The following FRMPD3 variants were observed in gnomAD, a reference collection of about 807,000 sequenced individuals.
FRMPD3 encodes FERM and PDZ domain-containing protein 3.
Under a neutral mutation model 97.9 loss-of-function variants are expected in FRMPD3, and 42 were observed. The ratio of observed to expected loss-of-function variants is 0.43; its 90% CI spans 0.34 to 0.55. FRMPD3 has a LOEUF of 0.55. Ranked by LOEUF, FRMPD3 falls within the 20% of genes least tolerant of loss-of-function variation. The pLI is 0.03. For missense variants in FRMPD3, 1,303 were observed against 1,457.7 expected (o/e 0.89, Z 1.73); for synonymous variants, 577 against 581.1 (o/e 0.99, Z 0.10).
chrX:107,590,846 T>C (rs1283519183), intron 13 of FRMPD3, among the ~76,000 whole-genome samples: 11 of 112,748 alleles, frequency 9.8e-5, no homozygotes, highest in Non-Finnish European at 1.9e-5. Flanking sequence ...AAGACATTTG[T>C]CTGTAGTTTT....
intron 1 of FRMPD3, among the ~76,000 whole-genome samples, chrX:107,459,095 C>T (rs1194965606): frequency 8.9e-6 from 1 of 112,157 alleles, no homozygotes; most frequent in Non-Finnish European, 1.9e-5. Context: ...AAAGTAGATG[C>T]GCACAGGGGC....
intron 4 of FRMPD3, 38 bp downstream of exon 4, chrX:107,533,588 C>T: frequency 8.7e-7 from 1 of 1,151,629 alleles, no homozygotes; most frequent in Non-Finnish European, 1.2e-6. Context: ...TTCCTCCTGA[C>T]TGAGAAGAGA....
intron 3 of FRMPD3, among the ~76,000 whole-genome samples, chrX:107,532,052 A>T (rs766068661): frequency 8.9e-6 from 1 of 112,603 alleles, no homozygotes; most frequent in African/African-American, 3.2e-5. Flanking sequence ...ACAGACAAAG[A>T]TCCCTGGCTC....
At position 107,593,012 on chromosome X, in the gene FRMPD3, G is replaced by A. The variant is rs1360599630; in HGVS notation, c.1442-4309G>A. ...AGGCTGGTCTCGAACTCCTGACCTT[G>A]TGATCTGCCCACCTCAGCTTCCCAA... On this transcript the variant is annotated intron_variant, in intron 13 of 14. Coordinates refer to ENST00000683843, the MANE Select transcript of FRMPD3 (RefSeq NM_001388459.1). 2.7e-5 allele frequency among the ~76,000 whole-genome samples: 3 copies of A among 110,732 alleles called. No individual in the cohort carries two copies. In the East Asian group the frequency reaches 8.5e-4, roughly 31 times the overall value.
In FRMPD3 at chrX:107,604,963, G is replaced by C. The variant is rs180987693; in HGVS notation, c.*1590G>C. 1 of 109,875 alleles carries C rather than the reference G, an allele frequency of 9.1e-6. No homozygotes were observed. Among genetic ancestry groups the C allele is most frequent in the Non-Finnish European group, 1.9e-5 (1 of 52,766 alleles). The allele number at this position is 109,875 out of a possible 1,213,427, so 9.1% of individuals were successfully genotyped here. ...CTTGCTTCTCCTCCCCCAGGACCAAGTTGTTGAATGGGCCAGAGATGCAGC... is the reference window on the plus strand; with the variant it reads ...CTTGCTTCTCCTCCCCCAGGACCAACTTGTTGAATGGGCCAGAGATGCAGC... On this transcript the variant is annotated 3_prime_UTR_variant, in exon 15 of 15. Coordinates refer to ENST00000683843, the MANE Select transcript of FRMPD3 (RefSeq NM_001388459.1).
rs778439987 is a variant in FRMPD3, at chrX:107,600,968, G to A, written c.2929G>A (p.Gly977Arg). The change falls in exon 15 of 15, where the codon GGG becomes AGG. Residue 977 changes from glycine (G) to arginine (R), a missense_variant. By Grantham distance (125) the Gly-to-Arg change is moderately radical. Around this residue, in one of 3 missense-constraint regions of FRMPD3, gnomAD observed 764 missense variants for 820.2 expected, o/e 0.93. Transcript: ENST00000683843. Reference sequence around the variant, plus strand: ...TCTAGTCACTGCTGGTGGGGCTTTGGGGAACCCCCCCAGCAGGGGTGAGAG... The same window carrying A: ...TCTAGTCACTGCTGGTGGGGCTTTGAGGAACCCCCCCAGCAGGGGTGAGAG... Reference protein sequence around the residue: ...KSLVTAGGALGNPPSRGERRL... With the variant: ...KSLVTAGGALRNPPSRGERRL... The A allele has an allele frequency of 1.3e-5, 16 of 1,206,990 alleles. No individual in the cohort carries two copies. Among genetic ancestry groups the A allele is most frequent in the Non-Finnish European group, 1.7e-5 (15 of 894,072 alleles).
rs777045924 is a variant in FRMPD3, at chrX:107,602,967, G to A, written c.4928G>A (p.Arg1643His). 9 of 1,209,868 alleles carry A rather than the reference G, an allele frequency of 7.4e-6. No homozygotes were observed. The highest frequency in any genetic ancestry group is 4.4e-5 in the Admixed American group (2 of 45,924). ...TTCAAGGAGCTCCGGGCCTCCTGCC[G>A]CCGTGTGGCCAATGTGGACAAGAGC... Reference protein sequence around the residue: ...LKFKELRASCRRVANVDKSPT... With the variant: ...LKFKELRASCHRVANVDKSPT... Residue 1643 changes from arginine (R) to histidine (H), a missense_variant, in exon 15 of 15, where the codon CGC (arginine) becomes CAC (histidine). By Grantham distance (29) the Arg-to-His change is conservative (BLOSUM62 0). Coordinates refer to ENST00000683843, the MANE Select transcript of FRMPD3 (RefSeq NM_001388459.1).
intron 1 of FRMPD3, among the ~76,000 whole-genome samples, chrX:107,499,381 T>A (rs998160380): frequency 4.5e-5 from 5 of 112,234 alleles, no homozygotes; most frequent in South Asian, 3.7e-4. Context: ...ACCTTCTCTC[T>A]AGAGTACGAA....
At chrX:107,502,016 A>G (rs1397765587) in intron 1 of FRMPD3, among the ~76,000 whole-genome samples, 1 of 110,735 alleles carries the variant, frequency 9.0e-6, no homozygotes, top group Non-Finnish European at 1.9e-5. Context: ...ACATTATTAC[A>G]AGGTTAAGGA....
Position 107,568,450 on chromosome X carries a change from C to A in FRMPD3, c.1296+3384C>A, listed in dbSNP as rs769583505. ...AGAGGCTGGGCACAGTCGCTCATGC[C>A]TGTAATCCCAGCATTTTGGGAGGCC... On this transcript the variant is annotated intron_variant, in intron 12 of 14. Transcript: ENST00000683843. Among the ~76,000 whole-genome samples the A allele has an allele frequency of 6.4e-5, 6 of 94,171 alleles. No individual in the cohort carries two copies. In the East Asian group the frequency reaches 2.1e-3, roughly 33 times the overall value. The allele number at this position is 94,171 out of a possible 115,157, so 81.8% of individuals were successfully genotyped here.
intron 1 of FRMPD3, among the ~76,000 whole-genome samples, chrX:107,525,437 T>C (rs1908980541): frequency 8.9e-6 from 1 of 112,713 alleles, no homozygotes; most frequent in African/African-American, 3.2e-5. Context: ...TTGCCTGCAG[T>C]ATGCCTCCCC....
At chrX:107,467,412 G>A (rs1324807634) in intron 1 of FRMPD3, among the ~76,000 whole-genome samples, 1 of 111,352 alleles carries the variant, frequency 9.0e-6, no homozygotes, top group African/African-American at 3.3e-5. Flanking sequence ...GGCTCACCAA[G>A]AGACCTAAGC....
At position 107,449,903 on chromosome X, in the gene FRMPD3, C is replaced by CTG. The variant is rs1931243898; in HGVS notation, c.-110_-109insTG. Among the ~76,000 whole-genome samples the CTG allele has an allele frequency of 9.2e-6, 1 of 109,144 alleles. No individual in the cohort carries two copies. Among genetic ancestry groups the CTG allele is most frequent in the Non-Finnish European group, 1.9e-5 (1 of 51,919 alleles). 94.8% of individuals were successfully genotyped at this position (109,144 alleles called of 115,157 possible). A position where few individuals can be genotyped will look rare whatever the true frequency, so the allele number is the denominator to read the frequency against. On this transcript the variant is annotated 5_prime_UTR_variant, in exon 1 of 15. Transcript: ENST00000683843. ...CACGGGTGCCCTAGTCCCGCTGCCG[C>CTG]CGCCGCCGCCGCCGCCGCTGCGCCG...
intron 11 of FRMPD3, 46 bp from the exon 12 acceptor site, chrX:107,564,841 T>C (rs1187968630): frequency 8.4e-7 from 1 of 1,184,373 alleles, no homozygotes; most frequent in East Asian, 3.0e-5. Flanking sequence ...CCCCACCTCC[T>C]CCACCCTTCC....
intron 8 of FRMPD3, among the ~76,000 whole-genome samples, chrX:107,556,325 A>C (rs1922080240): frequency 9.2e-6 from 1 of 108,829 alleles, no homozygotes; most frequent in Non-Finnish European, 1.9e-5. Context: ...TTTTGCCCTG[A>C]ATTTCTTAAT....
chrX:107,491,085 C>T (rs1414572517), intron 1 of FRMPD3, among the ~76,000 whole-genome samples: 2 of 111,392 alleles, frequency 1.8e-5, no homozygotes, highest in Non-Finnish European at 3.8e-5. Context: ...GGATTGAAAC[C>T]CACGACTATC....
intron 1 of FRMPD3, among the ~76,000 whole-genome samples, chrX:107,511,074 G>A (rs1922152496): frequency 8.9e-6 from 1 of 112,316 alleles, no homozygotes; most frequent in Non-Finnish European, 1.9e-5. Context: ...AGACTGGCCT[G>A]CCCCTCTCTT....
chrX:107,576,058 A>G (rs1923100821), intron 12 of FRMPD3, among the ~76,000 whole-genome samples: 1 of 112,326 alleles, frequency 8.9e-6, no homozygotes, highest in Non-Finnish European at 1.9e-5. Flanking sequence ...ATATAATTTT[A>G]GTCCTTTTCA....
intron 1 of FRMPD3, among the ~76,000 whole-genome samples, chrX:107,524,128 A>T (rs1922604476): frequency 8.9e-6 from 1 of 112,361 alleles, no homozygotes; most frequent in African/African-American, 3.2e-5. Context: ...GGCAGGAAGC[A>T]AAGGGCTCAT....
Sources: allele counts gnomAD v4.1 joint callset (sites outside exome capture counted in the v4.1 genomes callset), GRCh38; gene constraint gnomAD v4.1.1; regional missense constraint gnomAD v4.1.1; transcripts MANE v1.5; gene names NCBI Gene and HGNC (gene_info 2026-07-23, HGNC 2026-07-21).